Variants in DCLRE1A observed in about 807,000 individuals in gnomAD.
The protein encoded by DCLRE1A is DNA cross-link repair 1A.
Under a neutral mutation model 91.9 loss-of-function variants are expected in DCLRE1A, and 64 were observed. The observed-to-expected ratio is 0.70, with a 90% CI of 0.57 to 0.86. The LOEUF is 0.86. DCLRE1A is among the 40% of genes least tolerant of loss of function. The pLI is 0.00. For synonymous variants in DCLRE1A, 416 were observed against 431.1 expected (o/e 0.96, Z 0.43); for missense variants, 1,145 against 1,213.3 (o/e 0.94, Z 0.84).
chr10:113,850,303 C>A lies in DCLRE1A; in HGVS notation c.802G>T (p.Asp268Tyr). Residue 268 changes from aspartate (D) to tyrosine (Y), a missense_variant, in exon 2 of 9, where the codon GAC (aspartate) becomes TAC (tyrosine). Asp to Tyr is a radical substitution (Grantham distance 160). Transcript: ENST00000361384. ...ALQFTDFVENDKLVGVALRLA... is the reference protein window; with the variant it reads ...ALQFTDFVENYKLVGVALRLA... ...CGCAAAGCAACTCCCACTAGTTTGTCATTCTCAACAAAATCTGTAAATTGT... is the reference window on the plus strand; with the variant it reads ...CGCAAAGCAACTCCCACTAGTTTGTAATTCTCAACAAAATCTGTAAATTGT... The A allele has an allele frequency of 6.2e-7, 1 of 1,614,196 alleles. No homozygotes were observed. Among genetic ancestry groups the A allele is most frequent in the South Asian group, 1.1e-5 (1 of 91,070 alleles).
chr10:113,835,597 C>T (rs1309717635), intron 8 of DCLRE1A, among the ~76,000 whole-genome samples: 2 of 152,012 alleles, frequency 1.3e-5, no homozygotes, highest in Admixed American at 6.6e-5. Context: ...TGGTGGGAGG[C>T]GATTGGATCA....
chr10:113,850,986 CA>C (rs1845640782), intron 1 of DCLRE1A, among the ~76,000 whole-genome samples: 1 of 151,980 alleles, frequency 6.6e-6, no homozygotes, highest in Non-Finnish European at 1.5e-5. Flanking sequence ...TCCCTCCCCT[CA>C]AAAAAGATGT....
At chr10:113,848,412 A>T (rs1206889020) in intron 2 of DCLRE1A, among the ~76,000 whole-genome samples, 2 of 152,256 alleles carry the variant, frequency 1.3e-5, no homozygotes, top group East Asian at 3.8e-4. Flanking sequence ...TTACATAAAT[A>T]CATTGAACAA....
Position 113,850,103 on chromosome 10 carries a change from G to A in DCLRE1A, c.1002C>T (p.Leu334=), listed in dbSNP as rs572379234. ...FFTESSKDGS[L]EEDDDSCGFF... ...AACCACAGCTGTCATCATCTTCTTCGAGGCTGCCATCTTTTGAGCTTTCGG... is the reference window on the plus strand; with the variant it reads ...AACCACAGCTGTCATCATCTTCTTCAAGGCTGCCATCTTTTGAGCTTTCGG... The change falls in exon 2 of 9, where the codon CTC becomes CTT. Residue 334 remains leucine, a synonymous_variant. Coordinates refer to ENST00000361384, the MANE Select transcript of DCLRE1A (RefSeq NM_014881.5). 1.1e-5 allele frequency: 18 copies of A among 1,613,774 alleles called. No homozygotes were observed. The highest frequency in any genetic ancestry group is 8.9e-5 in the East Asian group (4 of 44,894).
chr10:113,835,889 C>T (rs1347203989), intron 8 of DCLRE1A, among the ~76,000 whole-genome samples: 6 of 152,020 alleles, frequency 3.9e-5, no homozygotes, highest in African/African-American at 1.2e-4. Flanking sequence ...GAGCCGAGAT[C>T]GTGCCACTGT....
chr10:113,843,946 T>C (rs1168942652), intron 5 of DCLRE1A, among the ~76,000 whole-genome samples, 158 bp downstream of exon 5: 4 of 152,258 alleles, frequency 2.6e-5, no homozygotes, highest in Non-Finnish European at 5.9e-5. Flanking sequence ...ATCTCAAATT[T>C]GCCCTTAAGC....
intron 4 of DCLRE1A, among the ~76,000 whole-genome samples, 175 bp from the exon 5 acceptor site, chr10:113,844,419 G>A (rs1028488434): frequency 1.3e-5 from 2 of 152,188 alleles, no homozygotes; most frequent in Admixed American, 6.5e-5. Context: ...AAAAGAACTG[G>A]TGTGCAGGAA....
At chr10:113,835,405 A>G in intron 8 of DCLRE1A, 93 bp from the exon 9 acceptor site, 1 of 1,340,566 alleles carries the variant, frequency 7.5e-7, no homozygotes, top group East Asian at 2.6e-5. Context: ...CAAAAGAGAA[A>G]AGCAATCCAC....
In DCLRE1A at chr10:113,849,045, A is replaced by AT. The variant is rs773491418; in HGVS notation, c.2059dup (p.Ile687AsnfsTer6). ...TCCTCCTACATTAGATGACTCTGGGATTTTCTTGTTGCCCCTTTGCAGCCC... is the reference window on the plus strand; with the variant it reads ...TCCTCCTACATTAGATGACTCTGGGATTTTTCTTGTTGCCCCTTTGCAGCCC... On this transcript the variant is annotated frameshift_variant, in exon 2 of 9. Coordinates refer to ENST00000361384, the MANE Select transcript of DCLRE1A (RefSeq NM_014881.5). LOFTEE classifies it high-confidence loss of function. 2.5e-6 allele frequency: 4 copies of AT among 1,613,950 alleles called. No homozygotes were observed. Among genetic ancestry groups the AT allele is most frequent in the Non-Finnish European group, 3.4e-6 (4 of 1,179,968 alleles).
chr10:113,850,707 T>G, intron 1 of DCLRE1A, 63 bp from the exon 2 acceptor site: 1 of 1,333,678 alleles, frequency 7.5e-7, no homozygotes, highest in South Asian at 1.6e-5. Context: ...TTGACAACAT[T>G]AGCAGTATAA....
In DCLRE1A at chr10:113,837,043, GA is replaced by G. The variant is rs759499659; in HGVS notation, c.2962+18del. ...TAAACATTATAAACACTAAAAGTGA[GA>G]AAATTTAATAACTATACCATATATT... On this transcript the variant is annotated intron_variant, in intron 8 of 8. Coordinates refer to ENST00000361384, the MANE Select transcript of DCLRE1A (RefSeq NM_014881.5). 1.3e-6 allele frequency: 2 copies of G among 1,563,126 alleles called. No homozygotes were observed. Among genetic ancestry groups the G allele is most frequent in the South Asian group, 2.4e-5 (2 of 82,166 alleles).
At position 113,853,288 on chromosome 10, in the gene DCLRE1A, C is replaced by A. The variant is rs1016664841; in HGVS notation, c.-106G>T. 1.8e-4 allele frequency: 197 copies of A among 1,116,066 alleles called. No homozygotes were observed. Among genetic ancestry groups the A allele is most frequent in the Non-Finnish European group, 2.2e-4 (184 of 818,174 alleles). The allele number at this position is 1,116,066 out of a possible 1,614,324, so 69.1% of individuals were successfully genotyped here. On this transcript the variant is annotated 5_prime_UTR_variant, in exon 1 of 9. Transcript: ENST00000361384. ...AGAATTATTTTGCTGAGAAAAAAAA[C>A]AAAGGTAACAAAACCCCCACCAACT...
chr10:113,849,270 A>T lies in DCLRE1A; in HGVS notation c.1835T>A (p.Phe612Tyr), dbSNP rs1845597323. 6.2e-7 allele frequency: 1 copy of T among 1,614,006 alleles called. No individual in the cohort carries two copies. Among genetic ancestry groups the T allele is most frequent in the South Asian group, 1.1e-5 (1 of 91,086 alleles). ...KAEKSLSDLE[F>Y]DASTLHESQL... The stretch of plus-strand genomic sequence containing the variant: ...ACTCTCATGTAAAGTACTTGCATCA[A>T]ATTCTAAATCACTTAAAGATTTTTC... Residue 612 changes from phenylalanine to tyrosine, a missense_variant, in exon 2 of 9, where the codon TTT becomes TAT. Phe to Tyr is a conservative substitution (Grantham distance 22, BLOSUM62 3). Coordinates refer to ENST00000361384, the MANE Select transcript of DCLRE1A (RefSeq NM_014881.5).
chr10:113,850,578 AG>A lies in DCLRE1A; in HGVS notation c.526del (p.Leu176CysfsTer2). On this transcript the variant is annotated frameshift_variant, in exon 2 of 9. Coordinates refer to ENST00000361384, the MANE Select transcript of DCLRE1A (RefSeq NM_014881.5). LOFTEE classifies it high-confidence loss of function. ...ATCACCAGCCCTGCTTTGAGCTAGCAGGAAGTGAGTGTATCTCTTGTAATGA... is the reference window on the plus strand; with the variant it reads ...ATCACCAGCCCTGCTTTGAGCTAGCAGAAGTGAGTGTATCTCTTGTAATGA... ...PFHYKRYTHF[L>X]LAQSRAGDHP... is the part of the protein sequence containing the mutation. The A allele has an allele frequency of 6.2e-7, 1 of 1,614,172 alleles. No homozygotes were observed. Among genetic ancestry groups the A allele is most frequent in the Non-Finnish European group, 8.5e-7 (1 of 1,180,034 alleles).
intron 3 of DCLRE1A, among the ~76,000 whole-genome samples, chr10:113,846,785 A>T (rs1477375954): frequency 1.3e-5 from 2 of 152,212 alleles, no homozygotes; most frequent in African/African-American, 4.8e-5. Flanking sequence ...AATAGTTGTT[A>T]TACTATATTT....
At position 113,852,923 on chromosome 10, in the gene DCLRE1A, C is replaced by T; in HGVS notation, c.260G>A (p.Gly87Asp). Residue 87 changes from glycine (G) to aspartate (D), a missense_variant, in exon 1 of 9, where the codon GGT (glycine) becomes GAT (aspartate). Gly to Asp is a moderately conservative substitution (Grantham distance 94). Transcript: ENST00000361384. ...TTCCTTGTCTTGGGTCTGCTGAATA[C>T]CATCTCCACAACTTGAATTCTGACT... ...ASSQNSSCGD[G>D]IQQTQDKETT... 3 of 1,614,100 alleles carry T rather than the reference C, an allele frequency of 1.9e-6. No individual in the cohort carries two copies. The highest frequency in any genetic ancestry group is 2.5e-6 in the Non-Finnish European group (3 of 1,180,016).
At position 113,848,984 on chromosome 10, in the gene DCLRE1A, T is replaced by C. The variant is rs1426068724; in HGVS notation, c.2121A>G (p.Ile707Met). Residue 707 changes from isoleucine to methionine, a missense_variant, in exon 2 of 9, where the codon ATA (isoleucine) becomes ATG (methionine). Physicochemically the swap from Ile to Met is conservative, Grantham distance 10. Transcript: ENST00000361384. ...RKKTCPFYKK[I>M]PGTGFTVDAF... is the part of the protein sequence containing the mutation. ...AGTATTGACATTTCAACTTACCAGGTATTTTCTTATAGAATGGACATGTCT... is the reference window on the plus strand; with the variant it reads ...AGTATTGACATTTCAACTTACCAGGCATTTTCTTATAGAATGGACATGTCT... 7 of 1,609,368 alleles carry C rather than the reference T, an allele frequency of 4.3e-6. No individual in the cohort carries two copies. Among genetic ancestry groups the C allele is most frequent in the Non-Finnish European group, 5.1e-6 (6 of 1,178,190 alleles).
Position 113,849,359 on chromosome 10 carries a change from C to T in DCLRE1A, c.1746G>A (p.Gly582=), listed in dbSNP as rs755431606. 6.2e-7 allele frequency: 1 copy of T among 1,614,088 alleles called. No homozygotes were observed. The highest frequency in any genetic ancestry group is 1.7e-5 in the Admixed American group (1 of 60,010). The change falls in exon 2 of 9, where the codon GGG becomes GGA. Residue 582 remains glycine, a synonymous_variant. Coordinates refer to ENST00000361384, the MANE Select transcript of DCLRE1A (RefSeq NM_014881.5). ...GACTTGGAACTGGATTTAAGTTTATCCCTTCTAATGCACTTTCCCCTAGCA... is the reference window on the plus strand; with the variant it reads ...GACTTGGAACTGGATTTAAGTTTATTCCTTCTAATGCACTTTCCCCTAGCA... ...EKLLGESALE[G]INLNPVPSPN...
intron 1 of DCLRE1A, among the ~76,000 whole-genome samples, chr10:113,851,864 C>T (rs760631771): frequency 3.9e-5 from 6 of 152,192 alleles, no homozygotes; most frequent in African/African-American, 1.2e-4. Flanking sequence ...TAGCCCACCA[C>T]ACCTGGCTAA....
Sources: gnomAD v4.1 joint callset for allele counts (sites outside exome capture counted in the v4.1 genomes callset) on GRCh38, gnomAD v4.1.1 for gene constraint, MANE v1.5 for transcripts, NCBI Gene and HGNC (gene_info 2026-07-23, HGNC 2026-07-21) for gene names.